TMEM51: variants seen among roughly 807,000 people sequenced by gnomAD.
The protein encoded by TMEM51 is chromosome 1 open reading frame 72.
TMEM51 carries 8 observed loss-of-function variants against 13.6 expected under a neutral mutation model. The ratio of observed to expected loss-of-function variants is 0.59; its 90% confidence interval spans 0.35 to 1.07. TMEM51 has a LOEUF of 1.07. Among genes scored for constraint, TMEM51 ranks in the 50% least tolerant of loss-of-function variants. The pLI is 0.02. For synonymous variants in TMEM51, 147 were observed against 144.4 expected (o/e 1.02, Z -0.13); for missense variants, 279 against 330.7 (o/e 0.84, Z 1.21).
intron 1 of TMEM51, among the ~76,000 whole-genome samples, chr1:15,175,005 T>A (rs4661588): frequency 0.71 from 108,139 of 152,100 alleles, 40,297 homozygotes; most frequent in East Asian, 0.96. Flanking sequence ...CACCCTACCA[T>A]CCTTTTGGTC....
intron 1 of TMEM51, among the ~76,000 whole-genome samples, chr1:15,200,956 C>A (rs565376356): frequency 2.3e-4 from 35 of 152,200 alleles, no homozygotes; most frequent in African/African-American, 8.4e-4. Flanking sequence ...GTGGGGGGCC[C>A]GGGAGGCACC....
At chr1:15,187,401 A>T (rs1643813521) in intron 1 of TMEM51, among the ~76,000 whole-genome samples, 1 of 152,106 alleles carries the variant, frequency 6.6e-6, no homozygotes, top group Non-Finnish European at 1.5e-5. Context: ...ATGTGGTCTC[A>T]CTGCGGCTTC....
At chr1:15,174,059 A>G (rs1223783813) in intron 1 of TMEM51, among the ~76,000 whole-genome samples, 4 of 152,210 alleles carry the variant, frequency 2.6e-5, no homozygotes, top group African/African-American at 9.7e-5. Context: ...GCAGTAAAGA[A>G]AACAGGGTTT....
chr1:15,173,559 A>G (rs1395997098), intron 1 of TMEM51, among the ~76,000 whole-genome samples: 1 of 152,086 alleles, frequency 6.6e-6, no homozygotes, highest in Non-Finnish European at 1.5e-5. Context: ...TTTTCCTGCC[A>G]TCATGAAAAC....
intron 1 of TMEM51, among the ~76,000 whole-genome samples, chr1:15,176,523 G>C (rs1643461285): frequency 2.0e-5 from 3 of 152,232 alleles, no homozygotes; most frequent in Admixed American, 2.0e-4. Context: ...TGGGGTAGGG[G>C]AGGAGAGAAA....
chr1:15,158,544 G>T (rs1642663589), intron 1 of TMEM51, among the ~76,000 whole-genome samples: 1 of 152,214 alleles, frequency 6.6e-6, no homozygotes, highest in South Asian at 2.1e-4. Context: ...GGTTAGGCAA[G>T]TTGCAGGTCT....
intron 1 of TMEM51, among the ~76,000 whole-genome samples, chr1:15,205,341 C>A (rs1170347940): frequency 1.1e-4 from 16 of 152,162 alleles, no homozygotes; most frequent in Admixed American, 1.0e-3. Flanking sequence ...CCTCTTTTCT[C>A]TGCAAGCCAT....
chr1:15,192,006 A>T (rs1192332270), intron 1 of TMEM51: 1 of 532,534 alleles, frequency 1.9e-6, no homozygotes, highest in African/African-American at 1.9e-5. Context: ...ATGTTCCTTC[A>T]GTTGTTGCGT....
chr1:15,214,787 C>T (rs1179802318), intron 2 of TMEM51, 108 bp from the exon 3 acceptor site: 3 of 353,070 alleles, frequency 8.5e-6, no homozygotes, highest in Non-Finnish European at 1.6e-5. Flanking sequence ...CCAGAGCCGG[C>T]GTGCTCGGTG....
At chr1:15,165,473 A>G (rs553246193) in intron 1 of TMEM51, among the ~76,000 whole-genome samples, 29 of 152,342 alleles carry the variant, frequency 1.9e-4, no homozygotes, top group Admixed American at 3.3e-4. Flanking sequence ...AATAATGCTA[A>G]CTGGGAGGTA....
At chr1:15,182,272 T>C (rs2179651) in intron 1 of TMEM51, among the ~76,000 whole-genome samples, 64,447 of 152,072 alleles carry the variant, frequency 0.42, 14,694 homozygotes, top group East Asian at 0.87. Context: ...GTCAAATCCC[T>C]GCTCTCTTCT....
At chr1:15,183,675 C>T (rs1039960927) in intron 1 of TMEM51, among the ~76,000 whole-genome samples, 42 of 152,200 alleles carry the variant, frequency 2.8e-4, no homozygotes, top group African/African-American at 9.9e-4. Context: ...TGTCTGCCTT[C>T]ATAGAGCTTA....
chr1:15,204,697 CA>C (rs1308395874), intron 1 of TMEM51, among the ~76,000 whole-genome samples: 1 of 152,244 alleles, frequency 6.6e-6, no homozygotes, highest in Non-Finnish European at 1.5e-5. Context: ...CTCTGTGCCT[CA>C]GCGTATTCCT....
Position 15,167,877 on chromosome 1 carries a change from C to T in TMEM51, c.-267+13923C>T, listed in dbSNP as rs574405831. Among the ~76,000 whole-genome samples, 5 of 152,232 alleles carry T rather than the reference C, an allele frequency of 3.3e-5. No homozygotes were observed. The East Asian group carries it at 9.6e-4, about 29-fold the overall frequency. On this transcript the variant is annotated intron_variant, in intron 1 of 3. Coordinates refer to ENST00000376008, the MANE Select transcript of TMEM51 (RefSeq NM_001136218.2). The stretch of plus-strand genomic sequence containing the variant: ...CATGGAAATGACAATGAGTAGTGAT[C>T]GTTCTTAACTTAAATAACTTTTTCA...
At chr1:15,165,375 A>AT (rs1642959405) in intron 1 of TMEM51, among the ~76,000 whole-genome samples, 1 of 152,216 alleles carries the variant, frequency 6.6e-6, no homozygotes, top group South Asian at 2.1e-4. Context: ...ATTCAGCCTC[A>AT]TTGTATTAAA....
intron 2 of TMEM51, among the ~76,000 whole-genome samples, chr1:15,212,958 C>G (rs1051501789): frequency 2.0e-5 from 3 of 152,258 alleles, no homozygotes; most frequent in African/African-American, 7.2e-5. Context: ...CGTTCACGCA[C>G]GTGCACATAC....
At chr1:15,215,467 G>A (rs1214394235) in intron 3 of TMEM51, 36 bp downstream of exon 3, 1 of 1,546,774 alleles carries the variant, frequency 6.5e-7, no homozygotes, top group East Asian at 2.3e-5. Flanking sequence ...CCCCGGATCG[G>A]GGATGGGCAC....
intron 1 of TMEM51, among the ~76,000 whole-genome samples, chr1:15,184,315 ACG>A (rs1573407847): frequency 1.3e-5 from 2 of 151,656 alleles, no homozygotes; most frequent in African/African-American, 2.4e-5. Context: ...GTGAACCACC[ACG>A]CCTGGCCTTG....
At chr1:15,166,000 G>A (rs1642984034) in intron 1 of TMEM51, among the ~76,000 whole-genome samples, 1 of 152,120 alleles carries the variant, frequency 6.6e-6, no homozygotes, top group African/African-American at 2.4e-5. Flanking sequence ...AAACAAAAAA[G>A]TATTTTGTTT....
Sources: allele counts gnomAD v4.1 joint callset (sites outside exome capture counted in the v4.1 genomes callset), GRCh38; gene constraint gnomAD v4.1.1; transcripts MANE v1.5; gene names NCBI Gene and HGNC (gene_info 2026-07-23, HGNC 2026-07-21).